The following SAMD12 variants were observed in gnomAD, a reference collection of about 807,000 sequenced individuals.
SAMD12 encodes the protein sterile alpha motif domain containing 12.
SAMD12 carries 9 observed loss-of-function variants against 15.0 expected under a neutral mutation model. That is an observed-to-expected ratio of 0.60 (90% confidence interval 0.36 to 1.05). The LOEUF is 1.05. SAMD12 is among the 50% of genes least tolerant of loss of function. The pLI, the probability that SAMD12 is intolerant of heterozygous loss-of-function variation, is 0.01. For missense variants in SAMD12, 230 were observed against 234.2 expected (o/e 0.98, Z 0.12); for synonymous variants, 86 against 90.1 (o/e 0.96, Z 0.25).
intron 2 of SAMD12, among the ~76,000 whole-genome samples, chr8:118,551,037 G>T (rs1826315444): frequency 2.6e-5 from 4 of 152,010 alleles, no homozygotes; most frequent in African/African-American, 9.7e-5. Flanking sequence ...AGCAAGTCCT[G>T]AGTGACCTAC....
chr8:118,242,511 CTATTA>C (rs1667184122), intron 4 of SAMD12, among the ~76,000 whole-genome samples: 2 of 151,884 alleles, frequency 1.3e-5, no homozygotes, highest in African/African-American at 4.8e-5. Flanking sequence ...TATAATTGTC[CTATTA>C]TATTAGTTGT....
chr8:118,292,722 T>G (rs1006923041), intron 4 of SAMD12, among the ~76,000 whole-genome samples: 1 of 151,824 alleles, frequency 6.6e-6, no homozygotes, highest in Non-Finnish European at 1.5e-5. Flanking sequence ...TATGCAGCCA[T>G]AAAAAATGAT....
chr8:118,378,954 T>C lies in SAMD12; in HGVS notation c.*463A>G. The C allele has an allele frequency of 2.1e-6, 2 of 950,496 alleles. No individual in the cohort carries two copies. The highest frequency in any genetic ancestry group is 1.1e-4 in the East Asian group (1 of 9,164). The allele number at this position is 950,496 out of a possible 1,614,324, so 58.9% of individuals were successfully genotyped here. ...TAGTTTTAGATTCACTATAGTCTAT[T>C]ATAAAAATTATTCCACTTTCAAGAA... On this transcript the variant is annotated 3_prime_UTR_variant, in exon 4 of 4. Coordinates refer to ENST00000314727, the MANE Select transcript of SAMD12 (RefSeq NM_207506.3).
intron 2 of SAMD12, among the ~76,000 whole-genome samples, chr8:118,502,156 CTGTT>C (rs370492081): frequency 3.4e-4 from 52 of 151,924 alleles, no homozygotes; most frequent in Middle Eastern, 6.8e-3. Flanking sequence ...ACATTTTTAA[CTGTT>C]TGTTAGTGTA....
At position 118,278,412 on chromosome 8, in the gene SAMD12, TTC is replaced by T. The variant is rs1379821202; in HGVS notation, c.434-80682_434-80681del. Among the ~76,000 whole-genome samples the T allele has an allele frequency of 2.0e-5, 3 of 152,328 alleles. No individual in the cohort carries two copies. In the East Asian group the frequency reaches 5.8e-4, roughly 29 times the overall value. On this transcript the variant is annotated intron_variant, in intron 4 of 4. Transcript: ENST00000409003. ...GGGTTAAGAAAAAGACTCTCTTTTC[TTC>T]TCTTTCCACACGTCCTCCTTTCTGT... is the stretch of plus-strand genomic sequence containing the variant.
At chr8:118,444,007 C>T (rs116811191) in intron 2 of SAMD12, among the ~76,000 whole-genome samples, 244 of 152,312 alleles carry the variant, frequency 1.6e-3, no homozygotes, top group African/African-American at 5.6e-3. Context: ...TCGACCGCCT[C>T]GTCTCCTTTC....
intron 4 of SAMD12, among the ~76,000 whole-genome samples, chr8:118,200,663 C>T (rs1206010002): frequency 2.6e-5 from 4 of 152,138 alleles, no homozygotes; most frequent in Admixed American, 2.6e-4. Context: ...TGATGCTTCA[C>T]TGCTCTTTGC....
At chr8:118,242,456 CAGAG>C (rs953767664) in intron 4 of SAMD12, among the ~76,000 whole-genome samples, 3 of 151,692 alleles carry the variant, frequency 2.0e-5, no homozygotes, top group Non-Finnish European at 4.4e-5. Flanking sequence ...AAGATATTTT[CAGAG>C]AGAGAGAGAG....
At chr8:118,475,363 T>C (rs1482859550) in intron 2 of SAMD12, among the ~76,000 whole-genome samples, 1 of 152,170 alleles carries the variant, frequency 6.6e-6, no homozygotes, top group African/African-American at 2.4e-5. Flanking sequence ...TGGAAGCAGC[T>C]TGTGGCCCCT....
intron 3 of SAMD12, among the ~76,000 whole-genome samples, chr8:118,430,994 G>C (rs2514983): frequency 0.14 from 21,421 of 151,960 alleles, 1,800 homozygotes; most frequent in East Asian, 0.25. Flanking sequence ...TTTTAACTGA[G>C]TATTTGAGGC....
chr8:118,251,298 T>C (rs957154435), intron 4 of SAMD12, among the ~76,000 whole-genome samples: 2 of 152,106 alleles, frequency 1.3e-5, no homozygotes, highest in African/African-American at 4.8e-5. Flanking sequence ...CAGCTAAGCT[T>C]CAGTCCACAC....
At chr8:118,254,835 C>T (rs1297235510) in intron 4 of SAMD12, among the ~76,000 whole-genome samples, 1 of 151,980 alleles carries the variant, frequency 6.6e-6, no homozygotes, top group African/African-American at 2.4e-5. Context: ...TCTTCCTCTC[C>T]CACATTGATT....
At chr8:118,620,371 G>A (rs911166369) in intron 1 of SAMD12, among the ~76,000 whole-genome samples, 3 of 102,154 alleles carry the variant, frequency 2.9e-5, no homozygotes, top group Admixed American at 1.6e-4. Context: ...TTTGGCATCT[G>A]AAGTCTTGAC....
chr8:118,607,447 G>C (rs1401584903), intron 1 of SAMD12, among the ~76,000 whole-genome samples: 2 of 152,152 alleles, frequency 1.3e-5, no homozygotes, highest in Non-Finnish European at 2.9e-5. Flanking sequence ...TGTTGGTCAG[G>C]CTGGTCTTGA....
chr8:118,529,163 T>G (rs1372285793), intron 2 of SAMD12, among the ~76,000 whole-genome samples: 1 of 152,194 alleles, frequency 6.6e-6, no homozygotes, highest in Non-Finnish European at 1.5e-5. Flanking sequence ...GAACTTACAC[T>G]ATACCAGGAG....
At chr8:118,470,332 G>T (rs553343740) in intron 2 of SAMD12, among the ~76,000 whole-genome samples, 38 of 151,960 alleles carry the variant, frequency 2.5e-4, no homozygotes, top group African/African-American at 8.9e-4. Context: ...AGATAACCTG[G>T]TGTGGGTGGC....
At chr8:118,440,933 T>C (rs1222268590) in intron 2 of SAMD12, among the ~76,000 whole-genome samples, 1 of 152,110 alleles carries the variant, frequency 6.6e-6, no homozygotes, top group Non-Finnish European at 1.5e-5. Context: ...AAAGTAAGGC[T>C]ATCATATTGG....
intron 2 of SAMD12, among the ~76,000 whole-genome samples, chr8:118,537,158 G>A (rs1221142720): frequency 5.9e-5 from 9 of 152,120 alleles, no homozygotes; most frequent in Admixed American, 1.3e-4. Flanking sequence ...ATACATTGAA[G>A]CTCCTTTTTA....
At chr8:118,141,192 C>T in the SAMD12 span, among the ~76,000 whole-genome samples, 5 of 152,222 alleles carry the variant, frequency 3.3e-5, no homozygotes, top group Admixed American at 3.3e-4. Context: ...CAACACTTTT[C>T]TGGCTCAGCT....
Sources: allele counts gnomAD v4.1 joint callset (sites outside exome capture counted in the v4.1 genomes callset), GRCh38; gene constraint gnomAD v4.1.1; transcripts MANE v1.5; gene names NCBI Gene and HGNC (gene_info 2026-07-23, HGNC 2026-07-21).